The following ANKRD27 variants were observed in gnomAD, a reference collection of about 807,000 sequenced individuals.
ANKRD27 encodes the protein ankyrin repeat domain 27, also known as ankyrin repeat domain-containing protein 27.
A neutral mutation model predicts 129.7 loss-of-function variants in ANKRD27; 112 were observed. That is an observed-to-expected ratio of 0.86 (90% CI 0.74 to 1.01). ANKRD27 has a LOEUF of 1.01. Ranked by LOEUF, ANKRD27 falls within the 50% of genes least tolerant of loss-of-function variation. The probability of loss-of-function intolerance (pLI) is 0.00; values close to 1 mark genes in which losing one functional copy is unlikely to be tolerated. For synonymous variants in ANKRD27, 516 were observed against 511.2 expected (o/e 1.01, Z -0.13); for missense variants, 1,258 against 1,300.5 (o/e 0.97, Z 0.50).
chr19:32,599,911 C>A (rs1022458568), intron 27 of ANKRD27, 61 bp downstream of exon 27: 9 of 1,524,696 alleles, frequency 5.9e-6, no homozygotes, highest in Non-Finnish European at 8.2e-6. Context: ...AAGCAGCTTA[C>A]GTGCAGCTTG....
chr19:32,617,659 GA>G, intron 20 of ANKRD27, 26 bp from the exon 21 acceptor site: 3 of 704,964 alleles, frequency 4.3e-6, no homozygotes, highest in African/African-American at 1.8e-5. Context: ...AAGAATGTTA[GA>G]AAAATGATTT....
At position 32,623,467 on chromosome 19, in the gene ANKRD27, G is replaced by A. The variant is rs137998737; in HGVS notation, c.1630-848C>T. Among the ~76,000 whole-genome samples the A allele has an allele frequency of 8.2e-3, 1,246 of 152,122 alleles. 23 individuals carry two copies. Among genetic ancestry groups the A allele is most frequent in the African/African-American group, 0.028 (1,169 of 41,472 alleles). On this transcript the variant is annotated intron_variant, in intron 17 of 28. Transcript: ENST00000306065. ...TGAGTTCCTAATGAGCTTCCCGAGT[G>A]GACCACACTTCCTGTGTGTTGTTCC...
chr19:32,673,386 G>A (rs750892275), intron 1 of ANKRD27: 37 of 985,094 alleles, frequency 3.8e-5, no homozygotes, highest in Admixed American at 6.2e-5. Context: ...TTTCACTCAC[G>A]CCTGTCCACC....
At chr19:32,672,184 C>T (rs903169131) in intron 1 of ANKRD27, among the ~76,000 whole-genome samples, 23 of 152,248 alleles carry the variant, frequency 1.5e-4, no homozygotes, top group Non-Finnish European at 2.5e-4. Context: ...ACCAGGAACG[C>T]TTCCCAACAG....
chr19:32,658,308 T>C (rs935579940), intron 2 of ANKRD27, among the ~76,000 whole-genome samples: 3 of 152,130 alleles, frequency 2.0e-5, no homozygotes, highest in African/African-American at 4.8e-5. Context: ...AGACCCACAA[T>C]GTGGGGCCCG....
In ANKRD27 at chr19:32,635,425, C is replaced by T. The variant is rs978288479; in HGVS notation, c.1116+3931G>A. 5.9e-5 allele frequency among the ~76,000 whole-genome samples: 9 copies of T among 152,190 alleles called. No individual in the cohort carries two copies. In the East Asian group the frequency reaches 1.3e-3, roughly 23 times the overall value. On this transcript the variant is annotated intron_variant, in intron 12 of 28. Coordinates refer to ENST00000306065, the MANE Select transcript of ANKRD27 (RefSeq NM_032139.3). The stretch of plus-strand genomic sequence containing the variant: ...GAACAGAAATTCTGATCTGCACACA[C>T]GCATAGGTAGAGACACAAGAGCACA...
chr19:32,610,971 AC>A, intron 22 of ANKRD27, among the ~76,000 whole-genome samples: 1 of 147,878 alleles, frequency 6.8e-6, no homozygotes, highest in Non-Finnish European at 1.5e-5. Flanking sequence ...ACAGAGTGAA[AC>A]CCCATCTCTA....
At chr19:32,658,243 C>T (rs1967579658) in intron 2 of ANKRD27, among the ~76,000 whole-genome samples, 1 of 152,236 alleles carries the variant, frequency 6.6e-6, no homozygotes, top group African/African-American at 2.4e-5. Flanking sequence ...ACACTGTGTC[C>T]CCCAGTGCCG....
intron 22 of ANKRD27, among the ~76,000 whole-genome samples, chr19:32,608,052 G>C (rs1971775718): frequency 6.6e-6 from 1 of 151,432 alleles, no homozygotes. Flanking sequence ...CCAGGCTGGA[G>C]TGCAGTGGCA....
Position 32,626,710 on chromosome 19 carries a change from A to C in ANKRD27, c.1536+2T>G, listed in dbSNP as rs1219969769. ...GCCCGCCACAAAGGCACCACTGCTC[A>C]CCGTCACGCTCTGGTAGCCCTTCTG... On this transcript the variant is annotated splice_donor_variant, in intron 16 of 28. Coordinates refer to ENST00000306065, the MANE Select transcript of ANKRD27 (RefSeq NM_032139.3). LOFTEE classifies it high-confidence loss of function. The C allele has an allele frequency of 6.3e-7, 1 of 1,599,890 alleles. No individual in the cohort carries two copies. Among genetic ancestry groups the C allele is most frequent in the South Asian group, 1.1e-5 (1 of 88,794 alleles).
At chr19:32,621,801 T>G (rs12151311) in intron 18 of ANKRD27, among the ~76,000 whole-genome samples, 2 of 151,876 alleles carry the variant, frequency 1.3e-5, no homozygotes, top group African/African-American at 2.4e-5. Context: ...GTGCTCCCCC[T>G]GGTCAGTCTG....
At chr19:32,634,420 T>C (rs1266168512) in intron 12 of ANKRD27, among the ~76,000 whole-genome samples, 2 of 152,214 alleles carry the variant, frequency 1.3e-5, no homozygotes, top group African/African-American at 4.8e-5. Flanking sequence ...GTGAGGATGA[T>C]GCATACCTGT....
chr19:32,622,253 A>G (rs1490155808), intron 18 of ANKRD27, among the ~76,000 whole-genome samples, 169 bp downstream of exon 18: 2 of 152,352 alleles, frequency 1.3e-5, no homozygotes, highest in Middle Eastern at 3.4e-3. Context: ...CAAAAATAAT[A>G]TATCAGTAAA....
intron 1 of ANKRD27, among the ~76,000 whole-genome samples, chr19:32,671,433 C>T (rs910809149): frequency 1.2e-4 from 18 of 152,210 alleles, no homozygotes; most frequent in African/African-American, 4.3e-4. Context: ...CACAGTGGCT[C>T]ACACCTGTAA....
intron 12 of ANKRD27, chr19:32,638,582 C>G (rs1375931925): frequency 6.6e-6 from 1 of 152,630 alleles, no homozygotes. Flanking sequence ...TCTGGCCCTT[C>G]AGGGAGCCCA....
Position 32,622,599 on chromosome 19 carries a change from G to C in ANKRD27, c.1650C>G (p.Tyr550Ter), listed in dbSNP as rs1972029872. 2 of 1,613,804 alleles carry C rather than the reference G, an allele frequency of 1.2e-6. No homozygotes were observed. The highest frequency in any genetic ancestry group is 2.2e-5 in the South Asian group (2 of 91,068). ...GHEDCVKALV[Y>*]YDVESCRLDI... ...CAAGTCTGCACGACTCCACGTCGTA[G>C]TAAACCAGAGCCTTCACACACTGCA... The change falls in exon 18 of 29, where the codon TAC becomes TAG. Residue 550 changes from tyrosine to a stop codon, truncating the protein, a stop_gained. Transcript: ENST00000306065. LOFTEE classifies it high-confidence loss of function.
Position 32,646,525 on chromosome 19 carries a change from T to C in ANKRD27, c.304A>G (p.Asn102Asp), listed in dbSNP as rs1407866411. 8 of 1,614,018 alleles carry C rather than the reference T, an allele frequency of 5.0e-6. No homozygotes were observed. Among genetic ancestry groups the C allele is most frequent in the African/African-American group, 2.7e-5 (2 of 74,918 alleles). The change falls in exon 4 of 29, where the codon AAT (asparagine) becomes GAT (aspartate). Residue 102 changes from asparagine to aspartate, a missense_variant. Physicochemically the swap from Asn to Asp is conservative, Grantham distance 23. Coordinates refer to ENST00000306065, the MANE Select transcript of ANKRD27 (RefSeq NM_032139.3). ...ATGCTGAAACTCTCTTCTTTTTCAT[T>C]GTAGAAAGTTTCTTCAAAGAGAATG... Reference protein sequence around the residue: ...VPILFEETFYNEKEESFSILC... With the variant: ...VPILFEETFYDEKEESFSILC...
At chr19:32,599,857 T>C (rs1672913308) in intron 27 of ANKRD27, 81 bp from the exon 28 acceptor site, 1 of 1,536,570 alleles carries the variant, frequency 6.5e-7, no homozygotes, top group African/African-American at 1.4e-5. Context: ...GGCAGCATTT[T>C]TGACATTAGT....
chr19:32,619,652 G>A lies in ANKRD27; in HGVS notation c.1828-99C>T, dbSNP rs1029884106. 1.1e-5 allele frequency: 16 copies of A among 1,428,606 alleles called. No individual in the cohort carries two copies. The African/African-American group carries it at 1.4e-4, about 13-fold the overall frequency. 88.5% of individuals were successfully genotyped at this position (1,428,606 alleles called of 1,614,324 possible). A position where few individuals can be genotyped will look rare whatever the true frequency, so the allele number is the denominator to read the frequency against. On this transcript the variant is annotated intron_variant, in intron 18 of 28. Coordinates refer to ENST00000306065, the MANE Select transcript of ANKRD27 (RefSeq NM_032139.3). ...CGCCCCACTGCCGGCCTAGCTCCTC[G>A]GAATGTCAGTGCAGTGAGCCTTAGG...
Sources: gnomAD v4.1 joint callset for allele counts (sites outside exome capture counted in the v4.1 genomes callset) on GRCh38, gnomAD v4.1.1 for gene constraint, MANE v1.5 for transcripts, NCBI Gene and HGNC (gene_info 2026-07-23, HGNC 2026-07-21) for gene names.